Variants in IDE observed in about 807,000 individuals in gnomAD.
IDE encodes insulin-degrading enzyme.
A neutral mutation model predicts 133.2 loss-of-function variants in IDE; 58 were observed. The ratio of observed to expected loss-of-function variants is 0.44; its 90% confidence interval spans 0.35 to 0.54. IDE has a LOEUF of 0.54. Ranked by LOEUF, IDE falls within the 20% of genes least tolerant of loss-of-function variation. The probability of loss-of-function intolerance (pLI) is 0.00; values close to 1 mark genes in which losing one functional copy is unlikely to be tolerated. For missense variants in IDE, 981 were observed against 1,234.0 expected, an observed-to-expected ratio of 0.79 and a Z score of 3.07; for synonymous variants, 396 against 421.3, an observed-to-expected ratio of 0.94 and a Z score of 0.73.
At chr10:92,457,314 C>T (rs1211633245) in intron 22 of IDE, among the ~76,000 whole-genome samples, 1 of 152,190 alleles carries the variant, frequency 6.6e-6, no homozygotes, top group Non-Finnish European at 1.5e-5. Context: ...TGCGTTATAT[C>T]AGGCACTCTC....
intron 4 of IDE, among the ~76,000 whole-genome samples, chr10:92,524,298 C>T (rs1489735362): frequency 9.2e-6 from 1 of 109,134 alleles, no homozygotes; most frequent in African/African-American, 3.6e-5. Flanking sequence ...GAGTGAGACT[C>T]TATCTCAAAA....
At position 92,453,820 on chromosome 10, in the gene IDE, G is replaced by T. The variant is rs1330875391; in HGVS notation, c.*624C>A. The T allele has an allele frequency of 6.6e-6, 1 of 152,180 alleles. No individual in the cohort carries two copies. The highest frequency in any genetic ancestry group is 2.4e-5 in the African/African-American group (1 of 41,440). 9.4% of individuals were successfully genotyped at this position (152,180 alleles called of 1,614,324 possible). ...GATGTAAGGTAAGTCTGTATTTCTAGCATTGTAAATAAGTAGGGTTTTCTA... is the reference window on the plus strand; with the variant it reads ...GATGTAAGGTAAGTCTGTATTTCTATCATTGTAAATAAGTAGGGTTTTCTA... On this transcript the variant is annotated 3_prime_UTR_variant, in exon 25 of 25. Coordinates refer to ENST00000265986, the MANE Select transcript of IDE (RefSeq NM_004969.4).
rs1011360457 is a variant in IDE at position 92,504,675 on chromosome 10, A to G, written c.1430+119T>C. 34 of 642,332 alleles carry G rather than the reference A, an allele frequency of 5.3e-5. No individual in the cohort carries two copies. The South Asian group carries it at 5.5e-4, about 10-fold the overall frequency. 39.8% of individuals were successfully genotyped at this position (642,332 alleles called of 1,614,324 possible). On this transcript the variant is annotated intron_variant, in intron 11 of 24. Coordinates refer to ENST00000265986, the MANE Select transcript of IDE (RefSeq NM_004969.4). ...GTGTTGCTTCATTATACTATTCTCT[A>G]CTTTTGTAATGCTTGATAAAATGTT...
At chr10:92,506,249 AAAAT>A (rs1215764732) in intron 10 of IDE, among the ~76,000 whole-genome samples, 189 bp downstream of exon 10, 1 of 151,168 alleles carries the variant, frequency 6.6e-6, no homozygotes, top group Non-Finnish European at 1.5e-5. Context: ...AATATTACAT[AAAAT>A]AAATTTCACG....
chr10:92,572,631 A>G lies in IDE; in HGVS notation c.98+1291T>C, dbSNP rs1843838570. On this transcript the variant is annotated intron_variant, in intron 1 of 24. Coordinates refer to ENST00000265986, the MANE Select transcript of IDE (RefSeq NM_004969.4). ...GGCTCCCTACCTACTACGCATTGGG[A>G]AAATCCCAACTAAAATTCAAGACCC... is the stretch of plus-strand genomic sequence containing the variant. Among the ~76,000 whole-genome samples, 3 of 152,152 alleles carry G rather than the reference A, an allele frequency of 2.0e-5. No homozygotes were observed. The East Asian group carries it at 5.8e-4, about 29-fold the overall frequency.
chr10:92,474,849 G>C lies in IDE; in HGVS notation c.2108C>G (p.Ala703Gly), dbSNP rs1371234099. The change falls in exon 17 of 25, where the codon GCT (alanine) becomes GGT (glycine). Residue 703 changes from alanine (A) to glycine (G), a missense_variant. Physicochemically the swap from Ala to Gly is moderately conservative, Grantham distance 60. Around this residue, in one of 2 missense-constraint regions of IDE, gnomAD observed 660 missense variants for 894.7 expected, o/e 0.74. Transcript: ENST00000265986. ...TAAGTAGAAAGTCTCACCATCCAGA[G>C]CTTCTTTTAACTCATCTTTAGTCCA... Reference protein sequence around the residue: ...VAWTKDELKEALDDVTLPRLK... With the variant: ...VAWTKDELKEGLDDVTLPRLK... The C allele has an allele frequency of 3.1e-6, 5 of 1,609,924 alleles. No individual in the cohort carries two copies. In the Admixed American group the frequency reaches 6.8e-5, roughly 22 times the overall value.
chr10:92,508,810 G>A lies in IDE; in HGVS notation c.978C>T (p.Tyr326=). Residue 326 remains tyrosine (Y), a synonymous_variant, in exon 7 of 25, where the codon TAC becomes TAT. Coordinates refer to ENST00000265986, the MANE Select transcript of IDE (RefSeq NM_004969.4). ...TFPIPDLQKY[Y]KSNPGHYLGH... is the part of the protein sequence containing the mutation. ...CAAGATAATGACCAGGATTTGATTT[G>A]TAGTATTTCTGAAGGTCAGGTATGG... 1 of 1,613,028 alleles carries A rather than the reference G, an allele frequency of 6.2e-7. No individual in the cohort carries two copies. The highest frequency in any genetic ancestry group is 8.5e-7 in the Non-Finnish European group (1 of 1,178,980).
rs558764523 is a variant in IDE, at chr10:92,468,791, A to T, written c.2320+88T>A. The stretch of plus-strand genomic sequence containing the variant: ...AGGTTCCCAAGTAAATCTTTGGCGT[A>T]AAACTATACCAAATTCAGCCCACCT... On this transcript the variant is annotated intron_variant, in intron 19 of 24. Transcript: ENST00000265986. 62 of 670,332 alleles carry T rather than the reference A, an allele frequency of 9.2e-5. No individual in the cohort carries two copies. The South Asian group carries it at 1.0e-3, about 11-fold the overall frequency. The allele number at this position is 670,332 out of a possible 1,614,324, so 41.5% of individuals were successfully genotyped here. A position where few individuals can be genotyped will look rare whatever the true frequency, so the allele number is the denominator to read the frequency against.
intron 19 of IDE, among the ~76,000 whole-genome samples, chr10:92,468,421 A>G (rs995945694): frequency 6.6e-6 from 1 of 152,236 alleles, no homozygotes; most frequent in South Asian, 2.1e-4. Context: ...TATAAATTCA[A>G]TAAAAGTCTT....
chr10:92,517,215 G>C (rs985989887), intron 4 of IDE, among the ~76,000 whole-genome samples: 2 of 152,180 alleles, frequency 1.3e-5, no homozygotes, highest in Non-Finnish European at 2.9e-5. Context: ...CTCAAACTCA[G>C]TCTTTAGCTC....
intron 16 of IDE, 85 bp from the exon 17 acceptor site, chr10:92,475,046 T>G: frequency 9.7e-7 from 1 of 1,032,536 alleles, no homozygotes; most frequent in African/African-American, 1.6e-5. Context: ...ATTTCAATTC[T>G]CTATAAACTG....
At chr10:92,493,069 A>G (rs1847457486) in intron 11 of IDE, among the ~76,000 whole-genome samples, 2 of 152,222 alleles carry the variant, frequency 1.3e-5, no homozygotes, top group African/African-American at 2.4e-5. Flanking sequence ...CAGAGGAATC[A>G]GAGGATTTGA....
chr10:92,471,702 G>A (rs1029658587), intron 17 of IDE, among the ~76,000 whole-genome samples: 1 of 151,880 alleles, frequency 6.6e-6, no homozygotes, highest in East Asian at 1.9e-4. Context: ...CCATCTAATT[G>A]ATCATTTTAA....
chr10:92,507,692 AC>A lies in IDE; in HGVS notation c.1154-27del, dbSNP rs768724427. 9 of 1,216,884 alleles carry A rather than the reference AC, an allele frequency of 7.4e-6. No individual in the cohort carries two copies. In the African/African-American group the frequency reaches 8.9e-5, roughly 12 times the overall value. The allele number at this position is 1,216,884 out of a possible 1,614,324, so 75.4% of individuals were successfully genotyped here. A position where few individuals can be genotyped will look rare whatever the true frequency, so the allele number is the denominator to read the frequency against. On this transcript the variant is annotated intron_variant, in intron 8 of 24. Coordinates refer to ENST00000265986, the MANE Select transcript of IDE (RefSeq NM_004969.4). ...CTGGAAAAAAGGGGCACACTTAAAA[AC>A]CATTCAGTCCTTGAATCCTTCAAAG...
intron 17 of IDE, among the ~76,000 whole-genome samples, chr10:92,472,636 A>C (rs1459428470): frequency 1.3e-5 from 2 of 150,630 alleles, no homozygotes; most frequent in Non-Finnish European, 3.0e-5. Context: ...AACATTCAAC[A>C]GAATTCTTTT....
intron 11 of IDE, among the ~76,000 whole-genome samples, chr10:92,502,476 T>C (rs1162931821): frequency 6.6e-6 from 1 of 152,234 alleles, no homozygotes; most frequent in Non-Finnish European, 1.5e-5. Flanking sequence ...CAGTTGATTT[T>C]TGTATGTTGA....
chr10:92,536,693 C>T (rs1842023023), intron 2 of IDE, among the ~76,000 whole-genome samples: 1 of 110,172 alleles, frequency 9.1e-6, no homozygotes, highest in African/African-American at 3.9e-5. Context: ...AGCAAAACTC[C>T]CACTCAGAAA....
intron 23 of IDE, 84 bp from the exon 24 acceptor site, chr10:92,455,727 G>C (rs1441770386): frequency 1.2e-6 from 1 of 827,792 alleles, no homozygotes. Context: ...ACCAGACTCA[G>C]TTAATTAAAA....
chr10:92,544,375 C>A (rs11187060), intron 1 of IDE, among the ~76,000 whole-genome samples: 1 of 151,860 alleles, frequency 6.6e-6, no homozygotes, highest in East Asian at 1.9e-4. Flanking sequence ...AACAGCTGTT[C>A]GCAGTCATCC....
Sources: allele counts gnomAD v4.1 joint callset (sites outside exome capture counted in the v4.1 genomes callset), GRCh38; gene constraint gnomAD v4.1.1; regional missense constraint gnomAD v4.1.1; transcripts MANE v1.5; gene names NCBI Gene and HGNC (gene_info 2026-07-23, HGNC 2026-07-21).